The following GRM8 variants were observed in gnomAD, a reference collection of about 807,000 sequenced individuals.
GRM8 encodes glutamate metabotropic receptor 8, also known as metabotropic glutamate receptor 8.
A neutral mutation model predicts 87.2 loss-of-function variants in GRM8; 47 were observed. The observed-to-expected ratio is 0.54, with a 90% confidence interval of 0.43 to 0.69. The LOEUF is 0.69. Among genes scored for constraint, GRM8 ranks in the 30% least tolerant of loss-of-function variants. GRM8 has a pLI of 0.00. For synonymous variants in GRM8, 396 were observed against 404.5 expected (o/e 0.98, Z 0.25); for missense variants, 1,019 against 1,139.2 (o/e 0.89, Z 1.52).
At chr7:126,769,703 T>C (rs1378462510) in intron 7 of GRM8, among the ~76,000 whole-genome samples, 162 bp downstream of exon 7, 1 of 152,104 alleles carries the variant, frequency 6.6e-6, no homozygotes, top group Non-Finnish European at 1.5e-5. Flanking sequence ...AAAAATATGT[T>C]TGAGATTCAA....
At chr7:127,124,648 G>T (rs1016065696) in intron 2 of GRM8, among the ~76,000 whole-genome samples, 2 of 152,044 alleles carry the variant, frequency 1.3e-5, no homozygotes, top group Non-Finnish European at 2.9e-5. Flanking sequence ...TCTCTAAAAT[G>T]CAAACCTACT....
chr7:127,180,013 A>G (rs1394456655), intron 2 of GRM8, among the ~76,000 whole-genome samples: 2 of 152,130 alleles, frequency 1.3e-5, no homozygotes, highest in African/African-American at 4.8e-5. Flanking sequence ...TCAGAGCAGA[A>G]CTAAATGAAA....
intron 3 of GRM8, among the ~76,000 whole-genome samples, chr7:127,055,402 T>C (rs1208596275): frequency 6.6e-6 from 1 of 152,098 alleles, no homozygotes. Flanking sequence ...TATGGACTTA[T>C]CAGAATGTGA....
chr7:126,516,491 A>G (rs1205416076), intron 9 of GRM8, among the ~76,000 whole-genome samples: 1 of 152,094 alleles, frequency 6.6e-6, no homozygotes, highest in East Asian at 1.9e-4. Context: ...CAGAATTTTA[A>G]ATGACTCAAA....
intron 6 of GRM8, among the ~76,000 whole-genome samples, chr7:126,866,967 T>C (rs1217437672): frequency 1.3e-5 from 2 of 152,120 alleles, no homozygotes; most frequent in Non-Finnish European, 1.5e-5. Context: ...TTCTCTAAAC[T>C]AAAGATCTGA....
intron 7 of GRM8, among the ~76,000 whole-genome samples, chr7:126,681,014 GT>G (rs1807505651): frequency 6.6e-6 from 1 of 152,240 alleles, no homozygotes; most frequent in African/African-American, 2.4e-5. Context: ...TATTTTTAGA[GT>G]TTAATAAGAA....
chr7:126,866,620 C>T (rs4342517), intron 6 of GRM8, among the ~76,000 whole-genome samples: 1 of 116,530 alleles, frequency 8.6e-6, no homozygotes, highest in African/African-American at 3.5e-5. Context: ...GAGACGGAGT[C>T]TTGCTCTGTC....
At chr7:126,830,006 T>A (rs1186825234) in intron 6 of GRM8, among the ~76,000 whole-genome samples, 1 of 152,200 alleles carries the variant, frequency 6.6e-6, no homozygotes, top group African/African-American at 2.4e-5. Context: ...AAAATTCTTT[T>A]CTTTAAGAAT....
chr7:127,011,593 T>C (rs569895349), intron 3 of GRM8, among the ~76,000 whole-genome samples: 30 of 152,280 alleles, frequency 2.0e-4, no homozygotes, highest in African/African-American at 7.0e-4. Context: ...TTCTAAGGAA[T>C]AGTTGTAGTT....
intron 9 of GRM8, among the ~76,000 whole-genome samples, chr7:126,499,988 G>A (rs1809396987): frequency 6.6e-6 from 1 of 151,840 alleles, no homozygotes. Flanking sequence ...TTTGATATGT[G>A]CGTATATACA....
chr7:126,735,475 A>T (rs1296323278), intron 7 of GRM8, among the ~76,000 whole-genome samples: 1 of 152,056 alleles, frequency 6.6e-6, no homozygotes, highest in African/African-American at 2.4e-5. Context: ...AGATAAATTG[A>T]TCTGTTACTA....
intron 3 of GRM8, 70 bp downstream of exon 3, chr7:127,106,426 C>G: frequency 8.4e-7 from 1 of 1,187,296 alleles, no homozygotes; most frequent in Non-Finnish European, 1.2e-6. Context: ...GATAAGAGAG[C>G]ACTTGGAGAT....
chr7:127,093,843 C>T (rs549064978), intron 3 of GRM8, among the ~76,000 whole-genome samples: 18 of 152,298 alleles, frequency 1.2e-4, no homozygotes, highest in African/African-American at 4.3e-4. Context: ...GAACAAAGCC[C>T]AGTCTGTCAA....
intron 6 of GRM8, among the ~76,000 whole-genome samples, chr7:126,811,180 A>C (rs1051602983): frequency 3.9e-5 from 6 of 152,030 alleles, no homozygotes; most frequent in African/African-American, 1.4e-4. Context: ...ATTGGCTGTA[A>C]GTATGTGGCT....
chr7:127,143,323 T>C (rs1828379034), intron 2 of GRM8, among the ~76,000 whole-genome samples: 1 of 152,130 alleles, frequency 6.6e-6, no homozygotes, highest in Non-Finnish European at 1.5e-5. Flanking sequence ...ACCATTGAAA[T>C]TGTGATAGCC....
intron 3 of GRM8, among the ~76,000 whole-genome samples, chr7:126,933,644 C>T (rs774140300): frequency 3.9e-5 from 6 of 152,068 alleles, no homozygotes; most frequent in African/African-American, 1.4e-4. Flanking sequence ...GAGAGAAATG[C>T]TAGGGTTCAA....
chr7:127,042,595 C>T (rs1818528390), intron 3 of GRM8, among the ~76,000 whole-genome samples: 1 of 152,150 alleles, frequency 6.6e-6, no homozygotes, highest in African/African-American at 2.4e-5. Flanking sequence ...TTCCTTACAC[C>T]TTATACAAAA....
At chr7:126,585,402 G>T (rs1317874488) in intron 8 of GRM8, among the ~76,000 whole-genome samples, 2 of 152,072 alleles carry the variant, frequency 1.3e-5, no homozygotes, top group Non-Finnish European at 2.9e-5. Flanking sequence ...AAGTTCATTT[G>T]TGCCTTAAAC....
At chr7:126,633,430 C>G (rs751790571) in intron 7 of GRM8, among the ~76,000 whole-genome samples, 1 of 152,078 alleles carries the variant, frequency 6.6e-6, no homozygotes, top group Admixed American at 6.6e-5. Context: ...AATTGATGAG[C>G]GCTAGCATCA....
Sources: gnomAD v4.1 joint callset for allele counts (sites outside exome capture counted in the v4.1 genomes callset) on GRCh38, gnomAD v4.1.1 for gene constraint, MANE v1.5 for transcripts, NCBI Gene and HGNC (gene_info 2026-07-23, HGNC 2026-07-21) for gene names.